The following ADAM22 variants were observed in gnomAD, a reference collection of about 807,000 sequenced individuals.
ADAM22 encodes ADAM metallopeptidase domain 22, also known as disintegrin and metalloproteinase domain-containing protein 22.
A neutral mutation model predicts 144.6 loss-of-function variants in ADAM22; 65 were observed. That is an observed-to-expected ratio of 0.45 (90% CI 0.37 to 0.55). ADAM22 has a LOEUF of 0.55. ADAM22 is among the 20% of genes least tolerant of loss of function. The pLI is 0.00. For missense variants in ADAM22, 974 were observed against 1,184.9 expected (o/e 0.82, Z 2.61); for synonymous variants, 391 against 412.6 (o/e 0.95, Z 0.63).
chr7:87,976,286 G>A (rs1180840137), intron 2 of ADAM22, among the ~76,000 whole-genome samples: 2 of 152,206 alleles, frequency 1.3e-5, no homozygotes, highest in Non-Finnish European at 2.9e-5. Context: ...ACATGACTGT[G>A]TTTGGAGATG....
chr7:87,982,690 T>TATAC (rs1853905763), intron 3 of ADAM22, among the ~76,000 whole-genome samples: 1 of 74,552 alleles, frequency 1.3e-5, no homozygotes, highest in Non-Finnish European at 2.5e-5. Context: ...TATATATATA[T>TATAC]ATATATATAA....
intron 3 of ADAM22, among the ~76,000 whole-genome samples, chr7:87,987,277 C>T (rs947743357): frequency 2.6e-5 from 4 of 152,140 alleles, no homozygotes; most frequent in South Asian, 2.1e-4. Context: ...CTCCCGGGCT[C>T]AAGCAATTCT....
intron 2 of ADAM22, among the ~76,000 whole-genome samples, chr7:87,944,841 T>C (rs1447653502): frequency 6.6e-6 from 1 of 151,770 alleles, no homozygotes; most frequent in South Asian, 2.1e-4. Flanking sequence ...GTTTTTTTTT[T>C]TTTAGTCAGT....
At position 88,180,741 on chromosome 7, in the gene ADAM22, G is replaced by A. The variant is rs546790973; in HGVS notation, c.2496-764G>A. Among the ~76,000 whole-genome samples, 85 of 152,182 alleles carry A rather than the reference G, an allele frequency of 5.6e-4. No homozygotes were observed. In the South Asian group the frequency reaches 0.017, roughly 31 times the overall value. ...GGTTATGATTCTTAAGCAGTTAAAA[G>A]TTCTTAAGATTTCTCTGAAGTATAT... On this transcript the variant is annotated intron_variant, in intron 27 of 31. Coordinates refer to ENST00000413139, the MANE Select transcript of ADAM22 (RefSeq NM_001324418.2).
At chr7:88,032,732 G>A (rs112479412) in intron 3 of ADAM22, among the ~76,000 whole-genome samples, 107 of 152,230 alleles carry the variant, frequency 7.0e-4, no homozygotes, top group African/African-American at 2.4e-3. Flanking sequence ...TTGGAGGTGC[G>A]GTCTGGTGGG....
At position 87,934,473 on chromosome 7, in the gene ADAM22, CGGCAGT is replaced by C. The variant is rs776355468; in HGVS notation, c.12_17del (p.Ala6_Val7del). On this transcript the variant is annotated inframe_deletion, in exon 1 of 32. Coordinates refer to ENST00000413139, the MANE Select transcript of ADAM22 (RefSeq NM_001324418.2). Reference sequence around the variant, plus strand: ...CGGGCTGACGGCAGCACCATGCAGGCGGCAGTGGCTGTGTCCGTGCCCTTCTTGCTG... The same window carrying C: ...CGGGCTGACGGCAGCACCATGCAGGCGGCTGTGTCCGTGCCCTTCTTGCTG... 2.0e-5 allele frequency: 32 copies of C among 1,599,778 alleles called. No individual in the cohort carries two copies. The highest frequency in any genetic ancestry group is 2.5e-5 in the Non-Finnish European group (29 of 1,176,554).
intron 2 of ADAM22, among the ~76,000 whole-genome samples, chr7:87,956,566 A>G (rs1170845989): frequency 6.6e-6 from 1 of 152,196 alleles, no homozygotes; most frequent in Admixed American, 6.5e-5. Context: ...AAACCTTTTC[A>G]TCACTTCAAA....
chr7:88,023,445 A>G (rs1228453394), intron 3 of ADAM22, among the ~76,000 whole-genome samples: 1 of 152,130 alleles, frequency 6.6e-6, no homozygotes, highest in African/African-American at 2.4e-5. Context: ...TTAGAGATGG[A>G]GTCTTGCTCC....
intron 2 of ADAM22, among the ~76,000 whole-genome samples, chr7:87,954,717 GGAT>G (rs1846191454): frequency 6.6e-6 from 1 of 152,066 alleles, no homozygotes; most frequent in South Asian, 2.1e-4. Context: ...AAGTTCTCCT[GGAT>G]AATATCCTGC....
At chr7:87,934,904 G>C (rs777676331) in intron 1 of ADAM22, 122 bp from the exon 2 acceptor site, 11 of 1,396,250 alleles carry the variant, frequency 7.9e-6, no homozygotes, top group South Asian at 7.2e-5. Context: ...GGTTCCGAGA[G>C]GGAGGGGGCG....
intron 4 of ADAM22, among the ~76,000 whole-genome samples, chr7:88,096,648 A>C (rs1367731457): frequency 6.6e-6 from 1 of 152,062 alleles, no homozygotes; most frequent in Non-Finnish European, 1.5e-5. Context: ...TGTTGGTTTT[A>C]AATTCTATTC....
At chr7:88,063,040 G>A (rs1810304907) in intron 3 of ADAM22, among the ~76,000 whole-genome samples, 1 of 152,160 alleles carries the variant, frequency 6.6e-6, no homozygotes, top group African/African-American at 2.4e-5. Flanking sequence ...TAAATATTGT[G>A]AGAATTACCA....
chr7:88,136,071 C>T lies in ADAM22; in HGVS notation c.1220+40C>T, dbSNP rs767482769. 7 of 1,566,670 alleles carry T rather than the reference C, an allele frequency of 4.5e-6. No individual in the cohort carries two copies. In the African/African-American group the frequency reaches 9.5e-5, roughly 21 times the overall value. ...TTTGAAAATAACTCAGTCTTACATT[C>T]CCTGCTGTGCTGTTGTCTTCTTAGG... On this transcript the variant is annotated intron_variant, in intron 14 of 31. Coordinates refer to ENST00000413139, the MANE Select transcript of ADAM22 (RefSeq NM_001324418.2).
At chr7:88,046,304 A>G (rs1585228641) in intron 3 of ADAM22, among the ~76,000 whole-genome samples, 1 of 152,020 alleles carries the variant, frequency 6.6e-6, no homozygotes, top group Admixed American at 6.5e-5. Context: ...TTCACTTTGC[A>G]TTTCCCTGAT....
rs1472847398 is a variant in ADAM22 at position 88,143,041 on chromosome 7, A to G, written c.1236A>G (p.Lys412=). 6.2e-7 allele frequency: 1 copy of G among 1,609,422 alleles called. No individual in the cohort carries two copies. The highest frequency in any genetic ancestry group is 1.3e-5 in the African/African-American group (1 of 74,786). ...IMGDTGYYLP[K]KFTQCNIEEY... is the part of the protein sequence containing the mutation. ...TCTTTTATAGCTATTATCTTCCTAA[A>G]AAGTTCACCCAGTGTAATATTGAAG... is the stretch of plus-strand genomic sequence containing the variant. Residue 412 remains lysine, a synonymous_variant, in exon 15 of 32, where the codon AAA becomes AAG. Transcript: ENST00000413139.
At chr7:87,955,425 A>T (rs1024637888) in intron 2 of ADAM22, among the ~76,000 whole-genome samples, 4 of 152,242 alleles carry the variant, frequency 2.6e-5, no homozygotes, top group Admixed American at 2.6e-4. Flanking sequence ...CCTGGATATC[A>T]GCAGCGGTGT....
At chr7:87,982,699 A>ATATATAT (rs10527361) in intron 3 of ADAM22, among the ~76,000 whole-genome samples, 48 of 62,910 alleles carry the variant, frequency 7.6e-4, no homozygotes, top group Non-Finnish European at 1.0e-3. Context: ...ATATATATAT[A>ATATATAT]ATTTTTTTTT....
intron 3 of ADAM22, among the ~76,000 whole-genome samples, chr7:88,027,005 A>G (rs1436921375): frequency 6.6e-6 from 1 of 152,154 alleles, no homozygotes; most frequent in African/African-American, 2.4e-5. Flanking sequence ...ATTTTCTTCA[A>G]CATTCTGTTA....
At chr7:88,144,985 G>A in intron 15 of ADAM22, 140 bp from the exon 16 acceptor site, 1 of 648,960 alleles carries the variant, frequency 1.5e-6, no homozygotes, top group African/African-American at 1.8e-5. Context: ...CTGAGCTCAT[G>A]CTTTCTAGTT....
Sources: gnomAD v4.1 joint callset for allele counts (sites outside exome capture counted in the v4.1 genomes callset) on GRCh38, gnomAD v4.1.1 for gene constraint, MANE v1.5 for transcripts, NCBI Gene and HGNC (gene_info 2026-07-23, HGNC 2026-07-21) for gene names.